The following NKAIN2 variants were observed in gnomAD, a reference collection of about 807,000 sequenced individuals.
The protein encoded by NKAIN2 is sodium/potassium transporting ATPase interacting 2.
Under a neutral mutation model 32.6 loss-of-function variants are expected in NKAIN2, and 14 were observed. The observed-to-expected ratio is 0.43, with a 90% CI of 0.28 to 0.67. The LOEUF is 0.67. NKAIN2 is among the 30% of genes least tolerant of loss of function. NKAIN2 has a pLI of 0.17. For missense variants in NKAIN2, 198 were observed against 258.3 expected (o/e 0.77, Z 1.60); for synonymous variants, 80 against 87.2 (o/e 0.92, Z 0.46).
chr6:124,440,515 T>A (rs747946915), intron 3 of NKAIN2, among the ~76,000 whole-genome samples: 2 of 152,062 alleles, frequency 1.3e-5, no homozygotes, highest in Non-Finnish European at 1.5e-5. Context: ...CTTGTTACCA[T>A]CCCTTTCTAG....
At chr6:124,275,705 A>G (rs1485980678) in intron 1 of NKAIN2, among the ~76,000 whole-genome samples, 1 of 152,144 alleles carries the variant, frequency 6.6e-6, no homozygotes, top group Non-Finnish European at 1.5e-5. Flanking sequence ...TATTATTTGC[A>G]TTTGTAACCA....
intron 1 of NKAIN2, among the ~76,000 whole-genome samples, chr6:123,859,326 A>G (rs1000197687): frequency 1.3e-5 from 2 of 152,188 alleles, no homozygotes; most frequent in Non-Finnish European, 2.9e-5. Flanking sequence ...TCAAAAGATT[A>G]TGTGATGAGT....
rs1398689012 is a variant in NKAIN2 at position 123,964,813 on chromosome 6, T to A, written c.54+160559T>A. Among the ~76,000 whole-genome samples, 1 of 152,080 alleles carries A rather than the reference T, an allele frequency of 6.6e-6. No homozygotes were observed. Among genetic ancestry groups the A allele is most frequent in the Non-Finnish European group, 1.5e-5 (1 of 68,014 alleles). On this transcript the variant is annotated intron_variant, in intron 1 of 6. Transcript: ENST00000368417. The surrounding 1 kb of genome is among the most constrained non-coding windows in gnomAD (Gnocchi z 4.0). ...AGCCTTGCATCCATTTCTTACCTCA[T>A]GATTCGAGCTAAGCATGTTTCCTGG...
intron 3 of NKAIN2, among the ~76,000 whole-genome samples, chr6:124,390,572 G>T (rs1019173935): frequency 2.0e-5 from 3 of 152,038 alleles, no homozygotes; most frequent in African/African-American, 4.8e-5. Flanking sequence ...CAATTTGAAG[G>T]TTAGAGATAC....
At chr6:124,088,377 C>G (rs1163578036) in intron 1 of NKAIN2, among the ~76,000 whole-genome samples, 1 of 151,910 alleles carries the variant, frequency 6.6e-6, no homozygotes, top group Non-Finnish European at 1.5e-5. Context: ...CCACTGCACT[C>G]CAGCCCAACC....
At chr6:124,014,634 CT>C (rs1338731320) in intron 1 of NKAIN2, among the ~76,000 whole-genome samples, 4 of 151,690 alleles carry the variant, frequency 2.6e-5, no homozygotes, top group South Asian at 2.1e-4. Context: ...CTTAGTTTTT[CT>C]TTTTACCTAA....
intron 1 of NKAIN2, among the ~76,000 whole-genome samples, chr6:124,063,905 T>A (rs1783032109): frequency 6.6e-6 from 1 of 152,144 alleles, no homozygotes; most frequent in South Asian, 2.1e-4. Flanking sequence ...CAAATATATG[T>A]GTAGTTATTT....
At chr6:124,008,234 C>T (rs969990649) in intron 1 of NKAIN2, among the ~76,000 whole-genome samples, 1 of 152,138 alleles carries the variant, frequency 6.6e-6, no homozygotes, top group Non-Finnish European at 1.5e-5. Flanking sequence ...TTTGTCTTGC[C>T]TTTCCTCCTC....
intron 3 of NKAIN2, among the ~76,000 whole-genome samples, chr6:124,366,034 A>G (rs994511026): frequency 6.6e-6 from 1 of 152,072 alleles, no homozygotes; most frequent in African/African-American, 2.4e-5. Flanking sequence ...AAGAGTAGAA[A>G]TCCTCAAAAC....
At chr6:124,605,758 T>C (rs617602) in intron 3 of NKAIN2, among the ~76,000 whole-genome samples, 150,319 of 152,096 alleles carry the variant, frequency 0.99, 74,316 homozygotes, top group South Asian at 1. Context: ...CAGGCTGCCA[T>C]GGCTACCTAA....
rs144681461 is a variant in NKAIN2 at position 124,065,213 on chromosome 6, T to TACACAC, written c.55-217770_55-217765dup. Among the ~76,000 whole-genome samples, 1,125 of 147,982 alleles carry TACACAC rather than the reference T, an allele frequency of 7.6e-3. 12 individuals are homozygous for TACACAC. Among genetic ancestry groups the TACACAC allele is most frequent in the African/African-American group, 0.025 (1,016 of 40,378 alleles). ...CTCTTTTCTTCATCTATCAGAAAAT[T>TACACAC]ACACACACACACACACACACACACA... On this transcript the variant is annotated intron_variant, in intron 1 of 6. Coordinates refer to ENST00000368417, the MANE Select transcript of NKAIN2 (RefSeq NM_001040214.3).
chr6:124,443,407 A>C (rs953698744), intron 3 of NKAIN2, among the ~76,000 whole-genome samples: 2 of 152,164 alleles, frequency 1.3e-5, no homozygotes, highest in African/African-American at 2.4e-5. Flanking sequence ...AAGGCAATAA[A>C]TATTTACTGT....
Position 124,072,700 on chromosome 6 carries a change from C to T in NKAIN2, c.55-210305C>T, listed in dbSNP as rs531139174. Among the ~76,000 whole-genome samples, 7 of 152,262 alleles carry T rather than the reference C, an allele frequency of 4.6e-5. No individual in the cohort carries two copies. In the South Asian group the frequency reaches 1.4e-3, roughly 32 times the overall value. On this transcript the variant is annotated intron_variant, in intron 1 of 6. Transcript: ENST00000368417. The stretch of plus-strand genomic sequence containing the variant: ...GCAGACTCACTCTATAAAAATGCTG[C>T]AAGTTCCTTGATTTCCAAGAAATAT...
chr6:124,294,450 A>G (rs1321546929), intron 2 of NKAIN2, among the ~76,000 whole-genome samples: 1 of 152,164 alleles, frequency 6.6e-6, no homozygotes, highest in African/African-American at 2.4e-5. Flanking sequence ...TTTGACTGCA[A>G]AAGGGTTTCA....
intron 1 of NKAIN2, among the ~76,000 whole-genome samples, chr6:123,867,626 CT>C (rs1374022780): frequency 6.6e-6 from 1 of 152,142 alleles, no homozygotes; most frequent in Non-Finnish European, 1.5e-5. Flanking sequence ...GGTTTCCATG[CT>C]GTTTTATACT....
chr6:124,770,667 C>T (rs1778709940), intron 4 of NKAIN2, among the ~76,000 whole-genome samples: 2 of 151,872 alleles, frequency 1.3e-5, no homozygotes, highest in Admixed American at 1.3e-4. Context: ...TGAAATCTGC[C>T]TTCTCTTATT....
intron 2 of NKAIN2, among the ~76,000 whole-genome samples, chr6:124,300,182 G>A (rs1370841032): frequency 6.6e-6 from 1 of 152,108 alleles, no homozygotes; most frequent in African/African-American, 2.4e-5. Flanking sequence ...CAAGTGGGGG[G>A]GCCAGGTGGA....
chr6:124,623,141 G>C, intron 3 of NKAIN2, among the ~76,000 whole-genome samples: 1 of 152,024 alleles, frequency 6.6e-6, no homozygotes, highest in East Asian at 1.9e-4. Context: ...TCACATTCAC[G>C]GGTTCTGGGA....
At chr6:124,196,294 A>G (rs1236590395) in intron 1 of NKAIN2, among the ~76,000 whole-genome samples, 3 of 152,128 alleles carry the variant, frequency 2.0e-5, no homozygotes, top group Non-Finnish European at 4.4e-5. Flanking sequence ...TTATATGACA[A>G]TAACAAAGAA....
Sources: gnomAD v4.1 joint callset for allele counts (sites outside exome capture counted in the v4.1 genomes callset) on GRCh38, gnomAD v4.1.1 for gene constraint, Gnocchi (gnomAD v3.1) non-coding constraint, MANE v1.5 for transcripts, NCBI Gene and HGNC (gene_info 2026-07-23, HGNC 2026-07-21) for gene names.